The following MORC3 variants were observed in gnomAD, a reference collection of about 807,000 sequenced individuals.
The protein encoded by MORC3 is MORC family CW-type zinc finger protein 3.
In MORC3, 31 loss-of-function variants were observed where a neutral mutation model predicts 109.1. The observed-to-expected ratio is 0.28, with a 90% CI of 0.21 to 0.38. The LOEUF (loss-of-function observed/expected upper bound fraction) is 0.38, where lower values mean the gene tolerates loss of function less well. Among genes scored for constraint, MORC3 ranks in the 10% least tolerant of loss-of-function variants. The probability of loss-of-function intolerance (pLI) is 1.00; values close to 1 mark genes in which losing one functional copy is unlikely to be tolerated. For synonymous variants in MORC3, 395 were observed against 380.7 expected (o/e 1.04, Z -0.44); for missense variants, 867 against 1,135.8 (o/e 0.76, Z 3.40).
At chr21:36,328,975 C>T (rs559369499) in intron 1 of MORC3, among the ~76,000 whole-genome samples, 6 of 150,742 alleles carry the variant, frequency 4.0e-5, no homozygotes, top group South Asian at 2.1e-4. Context: ...AAAAAAATCA[C>T]GAAAGAAACT....
intron 9 of MORC3, among the ~76,000 whole-genome samples, chr21:36,353,799 C>T (rs148917326): frequency 0.03 from 3,322 of 112,084 alleles, 136 homozygotes; most frequent in African/African-American, 0.11. Context: ...AGTTTTGCCA[C>T]GTTGGCCAGG....
chr21:36,334,715 T>C (rs1256245031), intron 2 of MORC3, among the ~76,000 whole-genome samples: 1 of 152,226 alleles, frequency 6.6e-6, no homozygotes, highest in African/African-American at 2.4e-5. Context: ...CTTGCTTCTT[T>C]CAATAAATGG....
chr21:36,340,483 C>T (rs1019048577), intron 5 of MORC3, among the ~76,000 whole-genome samples: 3 of 151,996 alleles, frequency 2.0e-5, no homozygotes, highest in Non-Finnish European at 4.4e-5. Flanking sequence ...ATAATTTTGC[C>T]ATTTTAAGAA....
intron 14 of MORC3, among the ~76,000 whole-genome samples, chr21:36,367,340 C>T (rs958521408): frequency 6.6e-6 from 1 of 152,220 alleles, no homozygotes; most frequent in African/African-American, 2.4e-5. Context: ...GCCCTAACTA[C>T]TGCTAGTCAG....
At chr21:36,373,588 G>A (rs916632840) in intron 16 of MORC3, among the ~76,000 whole-genome samples, 1 of 151,688 alleles carries the variant, frequency 6.6e-6, no homozygotes, top group African/African-American at 2.4e-5. Context: ...GCGCCATCAC[G>A]CTGTGGCCTT....
chr21:36,353,154 C>T (rs548747788), intron 9 of MORC3, among the ~76,000 whole-genome samples: 3 of 150,414 alleles, frequency 2.0e-5, no homozygotes, highest in African/African-American at 7.3e-5. Flanking sequence ...GTCAGGAGAT[C>T]GAGACCATCC....
intron 6 of MORC3, 88 bp downstream of exon 6, chr21:36,341,634 A>G (rs17814122): frequency 0.026 from 39,628 of 1,548,622 alleles, 665 homozygotes; most frequent in Admixed American, 0.062. Context: ...TTGTGATAGA[A>G]AGGCTGCCAG....
intron 14 of MORC3, among the ~76,000 whole-genome samples, chr21:36,367,798 G>C (rs1199142143): frequency 2.0e-5 from 3 of 152,154 alleles, no homozygotes; most frequent in African/African-American, 7.2e-5. Flanking sequence ...CAAGAGATGA[G>C]GAATTAGAAT....
chr21:36,352,209 A>G (rs576188724), intron 9 of MORC3, among the ~76,000 whole-genome samples: 84 of 152,314 alleles, frequency 5.5e-4, no homozygotes, highest in African/African-American at 2.0e-3. Context: ...TTATTTTTAA[A>G]AGGAACACCT....
chr21:36,335,064 A>G (rs572605767), intron 2 of MORC3, among the ~76,000 whole-genome samples: 9 of 152,268 alleles, frequency 5.9e-5, no homozygotes, highest in Admixed American at 4.6e-4. Flanking sequence ...AGGGAAGTCA[A>G]GGCTGCAGCA....
chr21:36,341,315 T>C, intron 5 of MORC3, 84 bp from the exon 6 acceptor site: 1 of 1,314,340 alleles, frequency 7.6e-7, no homozygotes, highest in Non-Finnish European at 1.0e-6. Context: ...TTTATTTGCT[T>C]ACCTTTTTAA....
At chr21:36,372,722 C>T (rs2243493) in intron 16 of MORC3, among the ~76,000 whole-genome samples, 191 bp downstream of exon 16, 1 of 151,954 alleles carries the variant, frequency 6.6e-6, no homozygotes, top group African/African-American at 2.4e-5. Flanking sequence ...GTTTCTGACC[C>T]TTTAGGTTCT....
intron 9 of MORC3, 21 bp downstream of exon 9, chr21:36,349,429 A>T: frequency 6.8e-7 from 1 of 1,459,926 alleles, no homozygotes; most frequent in Non-Finnish European, 9.3e-7. Flanking sequence ...TATTTAAATT[A>T]TTGACTGAGG....
At chr21:36,326,809 A>C (rs2085252121) in intron 1 of MORC3, among the ~76,000 whole-genome samples, 1 of 151,744 alleles carries the variant, frequency 6.6e-6, no homozygotes, top group African/African-American at 2.4e-5. Context: ...CAACATTATA[A>C]ATTTAAAGAT....
At chr21:36,320,357 A>G (rs1386643961) in intron 1 of MORC3, 54 bp downstream of exon 1, 6 of 1,239,296 alleles carry the variant, frequency 4.8e-6, no homozygotes, top group South Asian at 1.8e-5. Flanking sequence ...CGGGCGGGCA[A>G]GCGAAGGGGG....
intron 1 of MORC3, among the ~76,000 whole-genome samples, chr21:36,328,740 G>C (rs2085278217): frequency 6.6e-6 from 1 of 151,940 alleles, no homozygotes; most frequent in South Asian, 2.1e-4. Flanking sequence ...GCCTCCCAAA[G>C]TGCTGGGATT....
intron 1 of MORC3, 146 bp downstream of exon 1, chr21:36,320,449 C>G: frequency 1.4e-6 from 1 of 731,656 alleles, no homozygotes; most frequent in Non-Finnish European, 1.9e-6. Context: ...GCGGCCATCT[C>G]GCTCCCGTCG....
chr21:36,368,153 A>C (rs1439352308), intron 14 of MORC3, among the ~76,000 whole-genome samples: 1 of 152,224 alleles, frequency 6.6e-6, no homozygotes, highest in African/African-American at 2.4e-5. Context: ...AATGTGAACT[A>C]TGCACATATT....
chr21:36,368,737 C>T lies in MORC3; in HGVS notation c.1620-251C>T, dbSNP rs150086710. 8.4e-3 allele frequency among the ~76,000 whole-genome samples: 1,278 copies of T among 152,190 alleles called. 11 individuals are homozygous for T. The highest frequency in any genetic ancestry group is 0.011 in the Non-Finnish European group (779 of 67,996). On this transcript the variant is annotated intron_variant, in intron 14 of 16. Coordinates refer to ENST00000400485, the MANE Select transcript of MORC3 (RefSeq NM_015358.3). ...ACTAAAAATATAAAAATTAGCTGGACGTGGTGGCGGGTGCCTGTAATCCCA... is the reference window on the plus strand; with the variant it reads ...ACTAAAAATATAAAAATTAGCTGGATGTGGTGGCGGGTGCCTGTAATCCCA...
Sources: gnomAD v4.1 joint callset for allele counts (sites outside exome capture counted in the v4.1 genomes callset) on GRCh38, gnomAD v4.1.1 for gene constraint, MANE v1.5 for transcripts, NCBI Gene and HGNC (gene_info 2026-07-23, HGNC 2026-07-21) for gene names.